Variants in AGBL4 observed in about 807,000 individuals in gnomAD.
AGBL4 encodes the protein AGBL carboxypeptidase 4.
AGBL4 carries 58 observed loss-of-function variants against 66.4 expected under a neutral mutation model. That is an observed-to-expected ratio of 0.87 (90% CI 0.71 to 1.09). The LOEUF is 1.09. Among genes scored for constraint, AGBL4 ranks in the 50% least tolerant of loss-of-function variants. AGBL4 has a pLI of 0.00. For missense variants in AGBL4, 579 were observed against 631.0 expected, an observed-to-expected ratio of 0.92 and a Z score of 0.88; for synonymous variants, 234 against 222.9, an observed-to-expected ratio of 1.05 and a Z score of -0.44.
chr1:49,421,097 C>T (rs1195321743), intron 3 of AGBL4, among the ~76,000 whole-genome samples: 1 of 152,192 alleles, frequency 6.6e-6, no homozygotes, highest in Non-Finnish European at 1.5e-5. Context: ...GGAATATTGA[C>T]TATACCACTT....
At chr1:49,811,616 C>T (rs990327864) in intron 2 of AGBL4, among the ~76,000 whole-genome samples, 1 of 151,914 alleles carries the variant, frequency 6.6e-6, no homozygotes, top group African/African-American at 2.4e-5. Flanking sequence ...ATGATATTCA[C>T]CATATTATTA....
At chr1:49,751,650 G>T (rs1651478734) in intron 2 of AGBL4, among the ~76,000 whole-genome samples, 1 of 152,162 alleles carries the variant, frequency 6.6e-6, no homozygotes, top group South Asian at 2.1e-4. Context: ...GTTTTAGAAG[G>T]AATGGCACCC....
intron 2 of AGBL4, among the ~76,000 whole-genome samples, chr1:49,771,923 A>G (rs753766773): frequency 2.6e-5 from 4 of 151,972 alleles, no homozygotes; most frequent in Non-Finnish European, 5.9e-5. Context: ...TTTTTTATCC[A>G]TTTAGCCACT....
intron 4 of AGBL4, among the ~76,000 whole-genome samples, chr1:49,067,818 A>G (rs186512389): frequency 3.2e-4 from 48 of 152,356 alleles, no homozygotes; most frequent in Admixed American, 2.5e-3. Context: ...CAGTTTTGTT[A>G]CATAGGTATA....
intron 3 of AGBL4, among the ~76,000 whole-genome samples, chr1:49,499,888 C>T (rs1647973861): frequency 6.6e-6 from 1 of 151,814 alleles, no homozygotes; most frequent in South Asian, 2.1e-4. Flanking sequence ...GGTAGGTAAC[C>T]CAGTAGTGGG....
At chr1:50,002,750 G>T (rs549178381) in intron 1 of AGBL4, among the ~76,000 whole-genome samples, 1 of 152,250 alleles carries the variant, frequency 6.6e-6, no homozygotes, top group East Asian at 1.9e-4. Flanking sequence ...AGACAGAAAA[G>T]ACTACCAGAG....
intron 1 of AGBL4, among the ~76,000 whole-genome samples, chr1:49,950,832 CAA>C (rs1344635183): frequency 6.6e-6 from 1 of 151,618 alleles, no homozygotes; most frequent in African/African-American, 2.4e-5. Context: ...GGAATCAACC[CAA>C]GTGTCAATTG....
chr1:48,677,963 C>T (rs2148475795), intron 6 of AGBL4, among the ~76,000 whole-genome samples: 1 of 152,306 alleles, frequency 6.6e-6, no homozygotes, highest in South Asian at 2.1e-4. Context: ...AACTGGTAGG[C>T]TACTAGGAGA....
At chr1:49,779,224 TG>T (rs1320816303) in intron 2 of AGBL4, among the ~76,000 whole-genome samples, 1 of 152,188 alleles carries the variant, frequency 6.6e-6, no homozygotes, top group Non-Finnish European at 1.5e-5. Flanking sequence ...ACAAAGTATT[TG>T]AAGAAATGCT....
At chr1:48,525,792 G>T in the AGBL4 span, among the ~76,000 whole-genome samples, 1 of 152,178 alleles carries the variant, frequency 6.6e-6, no homozygotes, top group East Asian at 1.9e-4. Context: ...TTTGAGTCTG[G>T]GAGTTGAGGA....
intron 3 of AGBL4, among the ~76,000 whole-genome samples, chr1:49,430,615 A>G (rs1645764581): frequency 6.6e-6 from 1 of 152,236 alleles, no homozygotes; most frequent in Non-Finnish European, 1.5e-5. Flanking sequence ...AAAGGTATAG[A>G]AGTAAACATA....
intron 6 of AGBL4, among the ~76,000 whole-genome samples, chr1:48,688,067 A>T (rs1390962775): frequency 2.0e-5 from 3 of 152,174 alleles, no homozygotes; most frequent in Admixed American, 1.3e-4. Flanking sequence ...TATCCCCCAA[A>T]CCTAGAACAG....
intron 3 of AGBL4, among the ~76,000 whole-genome samples, chr1:49,520,024 G>T (rs995208165): frequency 6.6e-6 from 1 of 152,134 alleles, no homozygotes; most frequent in Non-Finnish European, 1.5e-5. Context: ...CACATACAAG[G>T]TCTTGCTCAG....
chr1:49,062,192 A>G (rs1557607421), intron 4 of AGBL4, among the ~76,000 whole-genome samples: 1 of 152,192 alleles, frequency 6.6e-6, no homozygotes, highest in Non-Finnish European at 1.5e-5. Flanking sequence ...ACTGTCTTCC[A>G]TAAAATGGGT....
intron 5 of AGBL4, among the ~76,000 whole-genome samples, chr1:48,920,485 T>C (rs1343421): frequency 0.012 from 1,873 of 152,316 alleles, 42 homozygotes; most frequent in African/African-American, 0.042. Flanking sequence ...CTTGGAATTA[T>C]AATGATGATG....
At chr1:49,708,293 T>G (rs1647365012) in intron 2 of AGBL4, among the ~76,000 whole-genome samples, 1 of 152,028 alleles carries the variant, frequency 6.6e-6, no homozygotes, top group Non-Finnish European at 1.5e-5. Flanking sequence ...ACATTTTATT[T>G]CATTAAGTTG....
rs1570378335 is a variant in AGBL4 at position 49,299,892 on chromosome 1, C to T, written c.283-54028G>A. On this transcript the variant is annotated intron_variant, in intron 3 of 13. Transcript: ENST00000371839. ...AATTCTGTCAATTTTTTTTCCATAGCCTGTCTATGTGGTACTCTCATTAAT... is the reference window on the plus strand; with the variant it reads ...AATTCTGTCAATTTTTTTTCCATAGTCTGTCTATGTGGTACTCTCATTAAT... 2.6e-5 allele frequency among the ~76,000 whole-genome samples: 4 copies of T among 151,856 alleles called. No individual in the cohort carries two copies. The East Asian group carries it at 7.7e-4, about 29-fold the overall frequency.
At chr1:48,935,970 A>G (rs1655425527) in intron 5 of AGBL4, among the ~76,000 whole-genome samples, 3 of 90,044 alleles carry the variant, frequency 3.3e-5, no homozygotes, top group African/African-American at 1.8e-4. Flanking sequence ...AAAAAAAAAA[A>G]AAAAAAAAAA....
rs565368511 is a variant in AGBL4 at position 48,663,609 on chromosome 1, T to A, written c.635-368A>T. Among the ~76,000 whole-genome samples the A allele has an allele frequency of 5.8e-4, 88 of 152,286 alleles. No homozygotes were observed. The South Asian group carries it at 9.3e-3, about 16-fold the overall frequency. On this transcript the variant is annotated intron_variant, in intron 6 of 13. Coordinates refer to ENST00000371839, the MANE Select transcript of AGBL4 (RefSeq NM_032785.4). The stretch of plus-strand genomic sequence containing the variant: ...ATCTATAAACAAGGATGACAATATA[T>A]CCTTGTTTATAGGTTATAAACAAGG...
Sources: gnomAD v4.1 joint callset for allele counts (sites outside exome capture counted in the v4.1 genomes callset) on GRCh38, gnomAD v4.1.1 for gene constraint, MANE v1.5 for transcripts, NCBI Gene and HGNC (gene_info 2026-07-23, HGNC 2026-07-21) for gene names.